Variants in ITFG1 observed in about 807,000 individuals in gnomAD.
ITFG1 encodes T-cell immunomodulatory protein.
ITFG1 carries 34 observed loss-of-function variants against 81.8 expected under a neutral mutation model. The ratio of observed to expected loss-of-function variants is 0.42; its 90% CI spans 0.32 to 0.55. ITFG1 has a LOEUF of 0.55. Among genes scored for constraint, ITFG1 ranks in the 20% least tolerant of loss-of-function variants. ITFG1 has a pLI of 0.17. For synonymous variants in ITFG1, 285 were observed against 270.6 expected (o/e 1.05, Z -0.52); for missense variants, 672 against 755.4 (o/e 0.89, Z 1.29).
At chr16:47,427,703 C>CTGTACAGCACAGATG (rs1234681443) in intron 6 of ITFG1, among the ~76,000 whole-genome samples, 51 of 152,356 alleles carry the variant, frequency 3.3e-4, no homozygotes, top group African/African-American at 1.2e-3. Context: ...ATCCACACAA[C>CTGTACAGCACAGATG]TGTACAGCAC....
intron 10 of ITFG1, among the ~76,000 whole-genome samples, chr16:47,285,294 A>C (rs1343882061): frequency 6.6e-6 from 1 of 152,230 alleles, no homozygotes; most frequent in East Asian, 1.9e-4. Context: ...GAGCTGAACA[A>C]GTGGAGATTG....
intron 14 of ITFG1, among the ~76,000 whole-genome samples, chr16:47,186,309 AAAG>A (rs1379166406): frequency 6.6e-6 from 1 of 152,216 alleles, no homozygotes; most frequent in Admixed American, 6.5e-5. Context: ...CACAAGCAAA[AAAG>A]AGAATTTTAG....
intron 14 of ITFG1, among the ~76,000 whole-genome samples, chr16:47,202,889 G>T (rs556899572): frequency 6.6e-6 from 1 of 152,178 alleles, no homozygotes; most frequent in Non-Finnish European, 1.5e-5. Flanking sequence ...TGCACCCTGT[G>T]TACTGTGGTG....
At chr16:47,274,840 C>A (rs527382476) in intron 10 of ITFG1, among the ~76,000 whole-genome samples, 2 of 152,132 alleles carry the variant, frequency 1.3e-5, no homozygotes, top group South Asian at 4.1e-4. Context: ...TTTTGTGGAA[C>A]AAAATCTGAG....
At chr16:47,214,921 AACACACACACACACAC>A (rs57114470) in intron 14 of ITFG1, among the ~76,000 whole-genome samples, 4 of 145,034 alleles carry the variant, frequency 2.8e-5, no homozygotes, top group Admixed American at 6.9e-5. Flanking sequence ...CCAGTGTGAA[AACACACACACACACAC>A]ACACACACAC....
At chr16:47,244,591 TTGTGTGTGTGTGTGTGTGTGTGTGTG>T (rs57470225) in intron 12 of ITFG1, among the ~76,000 whole-genome samples, 35 of 118,224 alleles carry the variant, frequency 3.0e-4, no homozygotes, top group East Asian at 5.3e-4. Flanking sequence ...ATTCCATCTT[TTGTGTGTGTGTGTGTGTGTGTGTGTG>T]TGTGTGTGTG....
At chr16:47,188,478 T>C (rs565260297) in intron 14 of ITFG1, among the ~76,000 whole-genome samples, 87 of 150,224 alleles carry the variant, frequency 5.8e-4, no homozygotes, top group African/African-American at 1.8e-3. Context: ...ATGGATGAAA[T>C]TGGAAATCAT....
At chr16:47,156,294 CTG>C (rs1964704658) in intron 17 of ITFG1, among the ~76,000 whole-genome samples, 1 of 152,070 alleles carries the variant, frequency 6.6e-6, no homozygotes, top group Admixed American at 6.6e-5. Context: ...CAAAAATTAG[CTG>C]AGTGTGGTGG....
chr16:47,392,744 T>A lies in ITFG1; in HGVS notation c.656-16804A>T, dbSNP rs575124757. 4.6e-5 allele frequency among the ~76,000 whole-genome samples: 7 copies of A among 152,340 alleles called. No individual in the cohort carries two copies. The East Asian group carries it at 1.4e-3, about 29-fold the overall frequency. On this transcript the variant is annotated intron_variant, in intron 6 of 17. Coordinates refer to ENST00000320640, the MANE Select transcript of ITFG1 (RefSeq NM_030790.5). Reference sequence around the variant, plus strand: ...AATGTATGGAGACTGTCTAACACAATGCTCTGTTGTAAGGGGCTTAATAAA... The same window carrying A: ...AATGTATGGAGACTGTCTAACACAAAGCTCTGTTGTAAGGGGCTTAATAAA...
intron 14 of ITFG1, among the ~76,000 whole-genome samples, chr16:47,190,990 G>A (rs1477500295): frequency 6.6e-6 from 1 of 151,994 alleles, no homozygotes; most frequent in Non-Finnish European, 1.5e-5. Context: ...ACTCCAAGAG[G>A]GCAAGTCCCA....
chr16:47,202,592 A>T (rs1261340768), intron 14 of ITFG1, among the ~76,000 whole-genome samples: 1 of 152,110 alleles, frequency 6.6e-6, no homozygotes, highest in Non-Finnish European at 1.5e-5. Flanking sequence ...TAACTTAAAA[A>T]AAAAAAGAAA....
intron 8 of ITFG1, among the ~76,000 whole-genome samples, chr16:47,359,396 C>G (rs1453797707): frequency 6.6e-6 from 1 of 152,192 alleles, no homozygotes; most frequent in African/African-American, 2.4e-5. Context: ...CCTACCTCAT[C>G]AAATGGCGCT....
chr16:47,157,552 C>T (rs1006202114), intron 17 of ITFG1: 2 of 152,176 alleles, frequency 1.3e-5, no homozygotes, highest in African/African-American at 2.4e-5. Flanking sequence ...CTTTGCTTCA[C>T]AGGTCAAGAA....
At chr16:47,350,425 A>G (rs769044780) in intron 8 of ITFG1, among the ~76,000 whole-genome samples, 14 of 152,238 alleles carry the variant, frequency 9.2e-5, no homozygotes, top group Admixed American at 8.5e-4. Context: ...ATCAGAGAAT[A>G]CTATAAACAC....
At chr16:47,327,014 C>G (rs1419358876) in intron 8 of ITFG1, among the ~76,000 whole-genome samples, 2 of 152,182 alleles carry the variant, frequency 1.3e-5, no homozygotes, top group African/African-American at 4.8e-5. Context: ...CCCGCATCGC[C>G]AAGTCAATCC....
intron 14 of ITFG1, among the ~76,000 whole-genome samples, chr16:47,215,452 T>C (rs972431844): frequency 2.0e-5 from 3 of 152,224 alleles, no homozygotes; most frequent in African/African-American, 4.8e-5. Context: ...AAAAGCAATA[T>C]ATATTTAGTA....
intron 14 of ITFG1, among the ~76,000 whole-genome samples, chr16:47,189,423 T>C (rs1965265920): frequency 6.6e-6 from 1 of 152,230 alleles, no homozygotes; most frequent in Non-Finnish European, 1.5e-5. Context: ...TCTATGAAGT[T>C]GCCTATTCTG....
intron 8 of ITFG1, among the ~76,000 whole-genome samples, chr16:47,343,810 T>C (rs1207524790): frequency 6.6e-6 from 1 of 152,142 alleles, no homozygotes; most frequent in Non-Finnish European, 1.5e-5. Context: ...AAGGTAAACA[T>C]ATAATGACCT....
At chr16:47,222,766 G>C (rs188848565) in intron 13 of ITFG1, among the ~76,000 whole-genome samples, 4 of 152,198 alleles carry the variant, frequency 2.6e-5, no homozygotes, top group Admixed American at 6.5e-5. Flanking sequence ...TGGTCTGAGA[G>C]ATAAGTTTGT....
Sources: allele counts gnomAD v4.1 joint callset (sites outside exome capture counted in the v4.1 genomes callset), GRCh38; gene constraint gnomAD v4.1.1; transcripts MANE v1.5; gene names NCBI Gene and HGNC (gene_info 2026-07-23, HGNC 2026-07-21).